Variants in TNIP3 observed in about 807,000 individuals in gnomAD.
TNIP3 encodes the protein TNFAIP3 interacting protein 3.
A neutral mutation model predicts 54.1 loss-of-function variants in TNIP3; 34 were observed. The ratio of observed to expected loss-of-function variants is 0.63; its 90% confidence interval spans 0.48 to 0.84. TNIP3 has a LOEUF of 0.84. Among genes scored for constraint, TNIP3 ranks in the 40% least tolerant of loss-of-function variants. The pLI, the probability that TNIP3 is intolerant of heterozygous loss-of-function variation, is 0.00. For missense variants in TNIP3, 366 were observed against 387.6 expected (o/e 0.94, Z 0.47); for synonymous variants, 134 against 136.8 (o/e 0.98, Z 0.14).
At chr4:121,221,921 T>G (rs1027316286) in intron 1 of TNIP3, among the ~76,000 whole-genome samples, 7 of 152,184 alleles carry the variant, frequency 4.6e-5, no homozygotes, top group Non-Finnish European at 7.4e-5. Context: ...TTCTTCTTCA[T>G]GCAAAACTGA....
At chr4:121,204,415 T>C (rs937831460) in intron 2 of TNIP3, among the ~76,000 whole-genome samples, 1 of 152,200 alleles carries the variant, frequency 6.6e-6, no homozygotes. Flanking sequence ...GTCTTACATA[T>C]ATTGATTGTT....
chr4:121,147,263 C>T, intron 6 of TNIP3, 89 bp from the exon 7 acceptor site: 1 of 1,480,156 alleles, frequency 6.8e-7, no homozygotes, highest in African/African-American at 1.4e-5. Flanking sequence ...CTGCCTACTC[C>T]ATTATTGTAA....
intron 3 of TNIP3, among the ~76,000 whole-genome samples, chr4:121,170,321 T>C (rs138449868): frequency 2.0e-3 from 306 of 152,362 alleles, no homozygotes; most frequent in African/African-American, 6.8e-3. Flanking sequence ...AGTCCGTTTA[T>C]GTATGAATCT....
chr4:121,144,181 A>G (rs1729292916), intron 7 of TNIP3, among the ~76,000 whole-genome samples: 1 of 152,186 alleles, frequency 6.6e-6, no homozygotes, highest in Admixed American at 6.5e-5. Context: ...TGAGTTATTT[A>G]CTAGCAAGAA....
At chr4:121,186,292 G>C (rs138208955) in intron 2 of TNIP3, among the ~76,000 whole-genome samples, 1 of 152,186 alleles carries the variant, frequency 6.6e-6, no homozygotes, top group African/African-American at 2.4e-5. Context: ...GGAGGGATAC[G>C]TTTTGAGCAC....
At chr4:121,150,385 A>T (rs1560646360) in intron 5 of TNIP3, among the ~76,000 whole-genome samples, 166 bp from the exon 6 acceptor site, 2 of 149,590 alleles carry the variant, frequency 1.3e-5, no homozygotes, top group Admixed American at 6.7e-5. Context: ...TCATATATGT[A>T]TTTTTTTTTT....
At chr4:121,204,209 T>C (rs544571595) in intron 2 of TNIP3, among the ~76,000 whole-genome samples, 48 of 152,278 alleles carry the variant, frequency 3.2e-4, no homozygotes, top group Admixed American at 1.8e-3. Flanking sequence ...GGAAACTGCT[T>C]AGGGCAAACC....
chr4:121,208,081 G>C (rs1279538722), intron 2 of TNIP3, among the ~76,000 whole-genome samples: 3 of 152,110 alleles, frequency 2.0e-5, no homozygotes. Context: ...TTGCAGAACT[G>C]TAAGTCCAAT....
chr4:121,172,211 C>T (rs769119776), intron 3 of TNIP3, among the ~76,000 whole-genome samples: 41 of 152,180 alleles, frequency 2.7e-4, no homozygotes, highest in Non-Finnish European at 5.1e-4. Flanking sequence ...GGCCTTATGA[C>T]TTGTCTAAGT....
rs181670536 is a variant in TNIP3 at position 121,202,675 on chromosome 4, C to T, written c.68+13740G>A. Among the ~76,000 whole-genome samples, 17 of 152,162 alleles carry T rather than the reference C, an allele frequency of 1.1e-4. No individual in the cohort carries two copies. The East Asian group carries it at 3.1e-3, about 28-fold the overall frequency. ...AGTGGGAGAAAATCTTCACAATCTA[C>T]ACATGAAACACAAGACTAATATCCA... On this transcript the variant is annotated intron_variant, in intron 2 of 12. Coordinates refer to the TNIP3 transcript ENST00000507879.
At chr4:121,180,178 A>T (rs1459655275) in intron 3 of TNIP3, among the ~76,000 whole-genome samples, 2 of 152,178 alleles carry the variant, frequency 1.3e-5, no homozygotes, top group East Asian at 3.9e-4. Flanking sequence ...AGGCGGGTGG[A>T]TCAAGAGGTC....
intron 2 of TNIP3, 131 bp downstream of exon 2, chr4:121,161,005 G>C (rs775909981): frequency 3.0e-4 from 216 of 714,388 alleles, no homozygotes; most frequent in Admixed American, 1.0e-3. Flanking sequence ...TTTCAAAATA[G>C]TGCAGTCCAG....
At chr4:121,135,503 T>C (rs1728728733) in intron 10 of TNIP3, among the ~76,000 whole-genome samples, 1 of 152,182 alleles carries the variant, frequency 6.6e-6, no homozygotes, top group African/African-American at 2.4e-5. Context: ...GCTCATGTGA[T>C]CCTCCTACCT....
intron 6 of TNIP3, 105 bp from the exon 7 acceptor site, chr4:121,147,279 C>G: frequency 7.3e-7 from 1 of 1,374,198 alleles, no homozygotes; most frequent in Non-Finnish European, 9.7e-7. Flanking sequence ...TGTAAAGAAC[C>G]CTCCCAACTA....
intron 2 of TNIP3, among the ~76,000 whole-genome samples, chr4:121,200,119 G>A (rs915607718): frequency 2.0e-5 from 3 of 151,872 alleles, no homozygotes; most frequent in African/African-American, 4.8e-5. Context: ...CTGTGACCAC[G>A]TTCACTGGGT....
At position 121,152,137 on chromosome 4, in the gene TNIP3, T is replaced by G. The variant is rs191937799; in HGVS notation, c.493-1918A>C. On this transcript the variant is annotated intron_variant, in intron 5 of 10. Transcript: ENST00000057513. ...ACAAGGCTGACATATTACAAATTTT[T>G]TCTGAGTGAATGGGTCAGCAAGCAT... Among the ~76,000 whole-genome samples, 681 of 152,294 alleles carry G rather than the reference T, an allele frequency of 4.5e-3. 6 individuals carry two copies. The highest frequency in any genetic ancestry group is 0.014 in the Middle Eastern group (4 of 294).
At chr4:121,205,275 T>C (rs900953378) in intron 2 of TNIP3, among the ~76,000 whole-genome samples, 7 of 152,120 alleles carry the variant, frequency 4.6e-5, no homozygotes, top group Non-Finnish European at 5.9e-5. Flanking sequence ...GAGCATTCCC[T>C]GTAAAGGTAG....
intron 1 of TNIP3, among the ~76,000 whole-genome samples, chr4:121,224,105 G>A (rs1054971605): frequency 1.6e-4 from 24 of 152,172 alleles, no homozygotes; most frequent in Non-Finnish European, 5.9e-5. Context: ...ATAAAAAGTT[G>A]AGATGCCAGC....
chr4:121,216,814 T>C (rs1371885540), upstream of TNIP3, among the ~76,000 whole-genome samples: 2 of 152,190 alleles, frequency 1.3e-5, no homozygotes, highest in Admixed American at 1.3e-4. Context: ...ACATAGAGCA[T>C]GAACGGTTAA....
Sources: gnomAD v4.1 joint callset for allele counts (sites outside exome capture counted in the v4.1 genomes callset) on GRCh38, gnomAD v4.1.1 for gene constraint, MANE v1.5 for transcripts, NCBI Gene and HGNC (gene_info 2026-07-23, HGNC 2026-07-21) for gene names.